The following MARCHF1 variants were observed in gnomAD, a reference collection of about 807,000 sequenced individuals.
MARCHF1 encodes the protein E3 ubiquitin-protein ligase MARCHF1.
Under a neutral mutation model 54.2 loss-of-function variants are expected in MARCHF1, and 40 were observed. The ratio of observed to expected loss-of-function variants is 0.74; its 90% CI spans 0.57 to 0.96. MARCHF1 has a LOEUF of 0.96. Ranked by LOEUF, MARCHF1 falls within the 40% of genes least tolerant of loss-of-function variation. The pLI, the probability that MARCHF1 is intolerant of heterozygous loss-of-function variation, is 0.00. For synonymous variants in MARCHF1, 236 were observed against 236.3 expected, an observed-to-expected ratio of 1.00 and a Z score of 0.01; for missense variants, 586 against 656.5, an observed-to-expected ratio of 0.89 and a Z score of 1.17.
intron 9 of MARCHF1, 67 bp downstream of exon 9, chr4:163,545,529 C>T: frequency 1.3e-6 from 2 of 1,499,442 alleles, no homozygotes; most frequent in Non-Finnish European, 1.8e-6. Context: ...GGGGAAATAA[C>T]TTCCCTATCC....
intron 1 of MARCHF1, among the ~76,000 whole-genome samples, chr4:164,137,048 C>G (rs1368084775): frequency 6.6e-5 from 10 of 152,080 alleles, no homozygotes; most frequent in Non-Finnish European, 1.3e-4. Flanking sequence ...AACGAATTGT[C>G]TAAACAATTT....
chr4:163,861,164 A>G (rs1221013638), intron 3 of MARCHF1, among the ~76,000 whole-genome samples: 1 of 152,214 alleles, frequency 6.6e-6, no homozygotes, highest in Non-Finnish European at 1.5e-5. Context: ...TGTAACAAAA[A>G]TGAAGAATAC....
intron 3 of MARCHF1, among the ~76,000 whole-genome samples, chr4:163,947,679 T>C (rs1177661454): frequency 6.6e-6 from 1 of 152,226 alleles, no homozygotes; most frequent in African/African-American, 2.4e-5. Context: ...ATTTCTCAAC[T>C]TCATAACTAT....
intron 4 of MARCHF1, among the ~76,000 whole-genome samples, chr4:163,716,497 C>G (rs1745261730): frequency 6.6e-6 from 1 of 152,180 alleles, no homozygotes. Flanking sequence ...TATAAAAACA[C>G]AGGCAGAAGC....
At chr4:164,337,273 C>T (rs1729766958) in intron 1 of MARCHF1, among the ~76,000 whole-genome samples, 1 of 152,108 alleles carries the variant, frequency 6.6e-6, no homozygotes, top group Non-Finnish European at 1.5e-5. Context: ...CAAAGAAGTT[C>T]CACCAGACTG....
At chr4:164,372,727 AAT>A (rs1731071608) in intron 1 of MARCHF1, among the ~76,000 whole-genome samples, 2 of 152,228 alleles carry the variant, frequency 1.3e-5, no homozygotes, top group East Asian at 3.9e-4. Flanking sequence ...TTATTTTTGA[AAT>A]AAAGTTTCCT....
chr4:163,886,542 G>C (rs748972946), intron 3 of MARCHF1, among the ~76,000 whole-genome samples: 28 of 152,116 alleles, frequency 1.8e-4, no homozygotes, highest in Non-Finnish European at 1.5e-4. Flanking sequence ...CCTAGGATTA[G>C]ATAAGTGCAA....
chr4:163,814,222 T>G (rs1748471990), intron 4 of MARCHF1, among the ~76,000 whole-genome samples: 1 of 152,190 alleles, frequency 6.6e-6, no homozygotes, highest in Non-Finnish European at 1.5e-5. Flanking sequence ...GTTTCTTTGT[T>G]TGATCACCAA....
chr4:163,989,286 TGAGAGA>T (rs35987221), intron 2 of MARCHF1, among the ~76,000 whole-genome samples: 4,208 of 144,846 alleles, frequency 0.029, 63 homozygotes, highest in Non-Finnish European at 0.045. Context: ...AATGAGGTGT[TGAGAGA>T]GAGAGAGAGA....
intron 1 of MARCHF1, among the ~76,000 whole-genome samples, chr4:164,222,452 A>T (rs1050734845): frequency 1.3e-5 from 2 of 152,054 alleles, no homozygotes; most frequent in Non-Finnish European, 2.9e-5. Flanking sequence ...TAAGTAAAAT[A>T]ATTTTGTAAA....
chr4:163,992,085 A>G (rs1402762281), intron 2 of MARCHF1, among the ~76,000 whole-genome samples: 1 of 115,858 alleles, frequency 8.6e-6, no homozygotes, highest in East Asian at 2.9e-4. Context: ...AAAAAAAAAA[A>G]AAAGGCCTCC....
chr4:164,217,307 T>C (rs1579631347), intron 1 of MARCHF1, among the ~76,000 whole-genome samples: 1 of 152,218 alleles, frequency 6.6e-6, no homozygotes, highest in Non-Finnish European at 1.5e-5. Flanking sequence ...AGGATACTTA[T>C]GTAGGCTTAA....
intron 4 of MARCHF1, among the ~76,000 whole-genome samples, chr4:163,786,258 T>A (rs547313219): frequency 9.8e-4 from 149 of 152,176 alleles, no homozygotes; most frequent in African/African-American, 3.5e-3. Flanking sequence ...ATTACTTTTT[T>A]AATTTTGACA....
chr4:164,237,826 G>A (rs1439844965), intron 1 of MARCHF1, among the ~76,000 whole-genome samples: 3 of 151,792 alleles, frequency 2.0e-5, no homozygotes, highest in Non-Finnish European at 2.9e-5. Flanking sequence ...TTAAAATGAG[G>A]AAATTAAGAA....
chr4:164,330,354 G>A (rs1035798726), intron 1 of MARCHF1, among the ~76,000 whole-genome samples: 2 of 152,070 alleles, frequency 1.3e-5, no homozygotes, highest in African/African-American at 4.8e-5. Flanking sequence ...TGTACAGGAT[G>A]GAGTTAGGAA....
intron 1 of MARCHF1, among the ~76,000 whole-genome samples, chr4:164,141,939 A>AGTGGGCGCAGGTCAGCGG (rs2110864037): frequency 1.3e-5 from 2 of 151,112 alleles, no homozygotes; most frequent in Admixed American, 1.3e-4. Flanking sequence ...AGTGCCAGAC[A>AGTGGGCGCAGGTCAGCGG]GTGGGCGCAG....
intron 3 of MARCHF1, among the ~76,000 whole-genome samples, chr4:163,954,456 T>G (rs1021548197): frequency 1.3e-5 from 2 of 152,152 alleles, no homozygotes; most frequent in Non-Finnish European, 2.9e-5. Flanking sequence ...AAAAACAATT[T>G]TCTCATTTGT....
intron 3 of MARCHF1, among the ~76,000 whole-genome samples, chr4:163,972,119 G>T (rs1752557869): frequency 6.6e-6 from 1 of 152,120 alleles, no homozygotes; most frequent in Non-Finnish European, 1.5e-5. Context: ...AGCGCTGCAT[G>T]TTCTCACTCA....
At chr4:164,147,228 C>G (rs1479842142) in intron 1 of MARCHF1, among the ~76,000 whole-genome samples, 1 of 148,924 alleles carries the variant, frequency 6.7e-6, no homozygotes, top group Non-Finnish European at 1.5e-5. Flanking sequence ...GTTGGTGGGA[C>G]TGTAAACTAG....
Sources: allele counts gnomAD v4.1 joint callset (sites outside exome capture counted in the v4.1 genomes callset), GRCh38; gene constraint gnomAD v4.1.1; transcripts MANE v1.5; gene names NCBI Gene and HGNC (gene_info 2026-07-23, HGNC 2026-07-21).